COL22A1: variants seen among roughly 807,000 people sequenced by gnomAD.
COL22A1 encodes the protein collagen type XXII alpha 1 chain, also known as collagen alpha-1(XXII) chain.
A neutral mutation model predicts 248.9 loss-of-function variants in COL22A1; 221 were observed. The ratio of observed to expected loss-of-function variants is 0.89; its 90% CI spans 0.80 to 0.99. The LOEUF is 0.99. COL22A1 is among the 50% of genes least tolerant of loss of function. The probability of loss-of-function intolerance (pLI) is 0.00; values close to 1 mark genes in which losing one functional copy is unlikely to be tolerated. For synonymous variants in COL22A1, 891 were observed against 793.4 expected (o/e 1.12, Z -2.07); for missense variants, 2,240 against 2,179.0 (o/e 1.03, Z -0.56).
At chr8:138,638,687 T>C (rs990133425) in intron 47 of COL22A1, among the ~76,000 whole-genome samples, 1 of 152,194 alleles carries the variant, frequency 6.6e-6, no homozygotes, top group Non-Finnish European at 1.5e-5. Context: ...TTCCACGTAA[T>C]TATTTTTACT....
chr8:138,676,562 G>C lies in COL22A1; in HGVS notation c.3146C>G (p.Pro1049Arg), dbSNP rs545660290. The part of the protein sequence containing the change: ...RGDPGIGVAG[P>R]PGPSGPPGDK... ...GCTGGATAAATAAAGACTTACAGGA[G>C]GGCCAGCAACCCCAATGCCTGGGTC... The change falls in exon 41 of 65, where the codon CCT becomes CGT. Residue 1049 changes from proline (P) to arginine (R), a missense_variant. Coordinates refer to ENST00000303045, the MANE Select transcript of COL22A1 (RefSeq NM_152888.3). 1.1e-4 allele frequency: 176 copies of C among 1,561,914 alleles called. 2 individuals are homozygous for C. The South Asian group carries it at 1.9e-3, about 17-fold the overall frequency.
At chr8:138,841,907 T>C (rs1820912211) in intron 4 of COL22A1, among the ~76,000 whole-genome samples, 1 of 152,232 alleles carries the variant, frequency 6.6e-6, no homozygotes, top group African/African-American at 2.4e-5. Flanking sequence ...CAACGCAGCC[T>C]ATTTTTCCCT....
intron 12 of COL22A1, among the ~76,000 whole-genome samples, chr8:138,793,334 G>A (rs1816231426): frequency 6.6e-6 from 1 of 152,150 alleles, no homozygotes; most frequent in Non-Finnish European, 1.5e-5. Flanking sequence ...ATTTCTGGAG[G>A]AGAAGTAGAG....
chr8:138,608,213 G>C (rs115783010), intron 56 of COL22A1, among the ~76,000 whole-genome samples: 1 of 152,292 alleles, frequency 6.6e-6, no homozygotes, highest in East Asian at 1.9e-4. Context: ...AAATGAGTCC[G>C]TGGGCATGAA....
chr8:138,745,114 A>G (rs1832001971), intron 22 of COL22A1, among the ~76,000 whole-genome samples: 1 of 152,154 alleles, frequency 6.6e-6, no homozygotes, highest in South Asian at 2.1e-4. Context: ...TGTTGCCACA[A>G]TGCTTCTATA....
At chr8:138,818,207 A>G (rs939086584) in intron 7 of COL22A1, among the ~76,000 whole-genome samples, 3 of 152,186 alleles carry the variant, frequency 2.0e-5, no homozygotes, top group African/African-American at 7.2e-5. Context: ...CTTACAGCTC[A>G]GAGGGTATCT....
At chr8:138,690,128 C>G (rs2130887804) in intron 36 of COL22A1, among the ~76,000 whole-genome samples, 1 of 152,330 alleles carries the variant, frequency 6.6e-6, no homozygotes, top group Non-Finnish European at 1.5e-5. Flanking sequence ...AGGCTCAGTC[C>G]TCTAAGCTAC....
chr8:138,751,253 C>T (rs527979860), intron 22 of COL22A1, among the ~76,000 whole-genome samples: 1 of 152,296 alleles, frequency 6.6e-6, no homozygotes, highest in African/African-American at 2.4e-5. Context: ...AGACTGATCT[C>T]CATGTCCCTG....
Position 138,692,987 on chromosome 8 carries a change from G to T in COL22A1, c.2754+659C>A, listed in dbSNP as rs565863897. 9.7e-4 allele frequency among the ~76,000 whole-genome samples: 147 copies of T among 152,252 alleles called. 6 individuals are homozygous for T. Among genetic ancestry groups the T allele is most frequent in the Admixed American group, 1.8e-3 (28 of 15,292 alleles). On this transcript the variant is annotated intron_variant, in intron 35 of 64. Coordinates refer to ENST00000303045, the MANE Select transcript of COL22A1 (RefSeq NM_152888.3). ...AGGAGCAGACCAGACGTGTGCTGCT[G>T]CTGCTCCTCTTGCCACCACTGCTCC...
chr8:138,783,914 G>T (rs536196275), intron 12 of COL22A1, among the ~76,000 whole-genome samples: 2 of 152,134 alleles, frequency 1.3e-5, no homozygotes, highest in African/African-American at 2.4e-5. Flanking sequence ...CTTTTCAAGG[G>T]CATGGAAGGA....
chr8:138,766,403 G>A (rs1259118049), intron 16 of COL22A1, among the ~76,000 whole-genome samples: 11 of 152,030 alleles, frequency 7.2e-5, no homozygotes, highest in South Asian at 2.1e-4. Flanking sequence ...GAATGAGAGA[G>A]GATACATGAG....
At chr8:138,714,119 G>C (rs559919340) in intron 30 of COL22A1, among the ~76,000 whole-genome samples, 1 of 152,274 alleles carries the variant, frequency 6.6e-6, no homozygotes, top group South Asian at 2.1e-4. Flanking sequence ...GAACCTGCCC[G>C]CATGTTGCCA....
At chr8:138,811,437 G>T (rs1818218535) in intron 9 of COL22A1, among the ~76,000 whole-genome samples, 2 of 152,044 alleles carry the variant, frequency 1.3e-5, no homozygotes, top group South Asian at 4.2e-4. Flanking sequence ...AGAAAGGAAT[G>T]AGGGTGTGTT....
At chr8:138,862,288 T>C (rs905435389) in intron 3 of COL22A1, among the ~76,000 whole-genome samples, 5 of 152,152 alleles carry the variant, frequency 3.3e-5, no homozygotes, top group Admixed American at 6.6e-5. Flanking sequence ...GCCACTCAAC[T>C]AACAATAAAA....
chr8:138,830,904 A>G (rs985047813), intron 5 of COL22A1, among the ~76,000 whole-genome samples: 3 of 152,178 alleles, frequency 2.0e-5, no homozygotes. Flanking sequence ...CACCCCCCAC[A>G]TGAGCATGGG....
At chr8:138,659,813 C>T (rs1393908307) in intron 44 of COL22A1, among the ~76,000 whole-genome samples, 1 of 152,202 alleles carries the variant, frequency 6.6e-6, no homozygotes, top group Non-Finnish European at 1.5e-5. Flanking sequence ...AGGGCTGTCC[C>T]CATCTCCGCA....
intron 6 of COL22A1, among the ~76,000 whole-genome samples, chr8:138,824,505 C>T (rs1245972198): frequency 6.6e-6 from 1 of 152,204 alleles, no homozygotes; most frequent in East Asian, 1.9e-4. Flanking sequence ...TGTGCAACTC[C>T]ACAGAGTCTC....
intron 22 of COL22A1, among the ~76,000 whole-genome samples, chr8:138,749,849 AG>A (rs947693833): frequency 6.7e-6 from 1 of 150,292 alleles, no homozygotes; most frequent in African/African-American, 2.5e-5. Context: ...AAACTGAGCC[AG>A]GGGTGGGGAT....
At chr8:138,832,142 C>A (rs1362203344) in intron 5 of COL22A1, among the ~76,000 whole-genome samples, 1 of 152,130 alleles carries the variant, frequency 6.6e-6, no homozygotes, top group Non-Finnish European at 1.5e-5. Context: ...CAGGAAGTTA[C>A]CCTATATAGT....
Sources: gnomAD v4.1 joint callset for allele counts (sites outside exome capture counted in the v4.1 genomes callset) on GRCh38, gnomAD v4.1.1 for gene constraint, MANE v1.5 for transcripts, NCBI Gene and HGNC (gene_info 2026-07-23, HGNC 2026-07-21) for gene names.